EPHA5: variants seen among roughly 807,000 people sequenced by gnomAD.
The protein encoded by EPHA5 is ephrin type-A receptor 5.
In EPHA5, 60 loss-of-function variants were observed where a neutral mutation model predicts 105.0. The ratio of observed to expected loss-of-function variants is 0.57; its 90% confidence interval spans 0.46 to 0.71. The LOEUF is 0.71. Among genes scored for constraint, EPHA5 ranks in the 30% least tolerant of loss-of-function variants. The pLI, the probability that EPHA5 is intolerant of heterozygous loss-of-function variation, is 0.00. For missense variants in EPHA5, 1,218 were observed against 1,274.7 expected (o/e 0.96, Z 0.68); for synonymous variants, 513 against 449.1 (o/e 1.14, Z -1.80).
intron 3 of EPHA5, among the ~76,000 whole-genome samples, chr4:65,510,951 A>G (rs1422351712): frequency 1.3e-5 from 2 of 152,156 alleles, no homozygotes; most frequent in African/African-American, 4.8e-5. Flanking sequence ...CTTGTGCCTT[A>G]TAAGAAGAGG....
intron 16 of EPHA5, among the ~76,000 whole-genome samples, chr4:65,328,563 G>A (rs1720300541): frequency 6.6e-6 from 1 of 151,138 alleles, no homozygotes; most frequent in Non-Finnish European, 1.5e-5. Flanking sequence ...GATAGGAGAA[G>A]GGAGAAGACA....
chr4:65,363,632 G>C (rs530012985), intron 11 of EPHA5, among the ~76,000 whole-genome samples: 13 of 151,638 alleles, frequency 8.6e-5, no homozygotes, highest in African/African-American at 3.1e-4. Context: ...GATGGAGACA[G>C]AAATTATCAA....
chr4:65,411,628 G>A (rs1330229839), intron 7 of EPHA5, among the ~76,000 whole-genome samples: 1 of 151,816 alleles, frequency 6.6e-6, no homozygotes, highest in Non-Finnish European at 1.5e-5. Flanking sequence ...GCTTAACGAG[G>A]AAAAATACCA....
chr4:65,465,467 A>AAAAGAAAGAAAGAAAGAAAG (rs749079632), intron 5 of EPHA5, among the ~76,000 whole-genome samples: 37 of 75,076 alleles, frequency 4.9e-4, no homozygotes, highest in East Asian at 2.6e-3. Context: ...AAAAGAAAGA[A>AAAAGAAAGAAAGAAAGAAAG]AAAGAAAGAA....
At chr4:65,335,839 T>G in intron 15 of EPHA5, 93 bp downstream of exon 15, 1 of 1,265,124 alleles carries the variant, frequency 7.9e-7, no homozygotes. Context: ...CACAGATTAA[T>G]GTCTATACGA....
chr4:65,655,251 T>C (rs1207806425), intron 1 of EPHA5, among the ~76,000 whole-genome samples: 1 of 152,088 alleles, frequency 6.6e-6, no homozygotes, highest in Admixed American at 6.6e-5. Context: ...ACACTGTTTT[T>C]TTGAAGTGTG....
chr4:65,632,007 G>C (rs1359791089), intron 2 of EPHA5, among the ~76,000 whole-genome samples: 4 of 151,862 alleles, frequency 2.6e-5, no homozygotes, highest in Non-Finnish European at 5.9e-5. Context: ...ATCACACTGA[G>C]TCCTCAATAT....
At chr4:65,517,732 C>T (rs988053092) in intron 3 of EPHA5, among the ~76,000 whole-genome samples, 2 of 151,748 alleles carry the variant, frequency 1.3e-5, no homozygotes, top group Non-Finnish European at 2.9e-5. Context: ...AGGTGGAAAA[C>T]GTTTTCTTTT....
intron 1 of EPHA5, among the ~76,000 whole-genome samples, chr4:65,650,460 T>TG (rs1553961337): frequency 6.0e-5 from 9 of 149,598 alleles, no homozygotes; most frequent in Admixed American, 4.0e-4. Flanking sequence ...TTCGGGAGGC[T>TG]GAGGCAGGAG....
chr4:65,663,001 T>A (rs1257179312), intron 1 of EPHA5, among the ~76,000 whole-genome samples: 1 of 152,146 alleles, frequency 6.6e-6, no homozygotes, highest in Non-Finnish European at 1.5e-5. Context: ...TCTACTTTTG[T>A]TTGACAAAGT....
intron 5 of EPHA5, among the ~76,000 whole-genome samples, chr4:65,465,404 C>T (rs1483562102): frequency 6.8e-6 from 1 of 146,024 alleles, no homozygotes; most frequent in South Asian, 2.2e-4. Context: ...CCAGCCTGGG[C>T]AACAGGGTGA....
At chr4:65,486,320 T>C (rs1730878640) in intron 5 of EPHA5, among the ~76,000 whole-genome samples, 1 of 143,890 alleles carries the variant, frequency 6.9e-6, no homozygotes, top group African/African-American at 2.5e-5. Context: ...GCCTCAACCA[T>C]CTGGCCCTTC....
intron 5 of EPHA5, among the ~76,000 whole-genome samples, chr4:65,476,608 G>T (rs976103128): frequency 2.0e-5 from 3 of 151,972 alleles, no homozygotes; most frequent in Non-Finnish European, 4.4e-5. Context: ...GGGATAAAGG[G>T]GTGAAAAAAT....
At chr4:65,558,424 T>C (rs982233433) in intron 3 of EPHA5, among the ~76,000 whole-genome samples, 1 of 152,092 alleles carries the variant, frequency 6.6e-6, no homozygotes, top group Admixed American at 6.6e-5. Context: ...ATCATGTCTT[T>C]CAGTTGGTCA....
chr4:65,326,014 C>CATATATATATATATATATCTCATAT (rs35999982), intron 16 of EPHA5, among the ~76,000 whole-genome samples: 1 of 144,112 alleles, frequency 6.9e-6, no homozygotes, highest in Non-Finnish European at 1.5e-5. Flanking sequence ...ATATATATCT[C>CATATATATATATATATATCTCATAT]ATATATATAT....
At chr4:65,458,097 A>C (rs1727782014) in intron 5 of EPHA5, among the ~76,000 whole-genome samples, 1 of 142,700 alleles carries the variant, frequency 7.0e-6, no homozygotes, top group Non-Finnish European at 1.5e-5. Flanking sequence ...AAAAAAAAAA[A>C]AGAGTACCTT....
intron 1 of EPHA5, among the ~76,000 whole-genome samples, chr4:65,645,025 T>C (rs1047871254): frequency 2.6e-5 from 4 of 152,050 alleles, no homozygotes; most frequent in African/African-American, 4.8e-5. Context: ...CTTAAAGGAA[T>C]GGTGATCTAA....
chr4:65,543,327 C>A (rs1446976971), intron 3 of EPHA5, among the ~76,000 whole-genome samples: 1 of 151,984 alleles, frequency 6.6e-6, no homozygotes. Context: ...AAAACCCCAT[C>A]ATCTCAGCCC....
intron 3 of EPHA5, among the ~76,000 whole-genome samples, chr4:65,590,805 T>G (rs142010111): frequency 2.7e-4 from 41 of 152,252 alleles, no homozygotes; most frequent in African/African-American, 8.7e-4. Flanking sequence ...ATTTAGCATA[T>G]TATTCCTAAT....
Sources: allele counts gnomAD v4.1 joint callset (sites outside exome capture counted in the v4.1 genomes callset), GRCh38; gene constraint gnomAD v4.1.1; transcripts MANE v1.5; gene names NCBI Gene and HGNC (gene_info 2026-07-23, HGNC 2026-07-21).